The following WDPCP variants were observed in gnomAD, a reference collection of about 807,000 sequenced individuals.
WDPCP encodes WD repeat containing planar cell polarity effector.
In WDPCP, 71 loss-of-function variants were observed where a neutral mutation model predicts 93.1. That is an observed-to-expected ratio of 0.76 (90% confidence interval 0.63 to 0.93). The LOEUF (loss-of-function observed/expected upper bound fraction) is 0.93, where lower values mean the gene tolerates loss of function less well. Ranked by LOEUF, WDPCP falls within the 40% of genes least tolerant of loss-of-function variation. The pLI, the probability that WDPCP is intolerant of heterozygous loss-of-function variation, is 0.00. For synonymous variants in WDPCP, 315 were observed against 315.0 expected, an observed-to-expected ratio of 1.00 and a Z score of 0.00; for missense variants, 844 against 887.4, an observed-to-expected ratio of 0.95 and a Z score of 0.62.
intron 2 of WDPCP, among the ~76,000 whole-genome samples, chr2:63,763,380 G>T (rs1315328336): frequency 1.3e-5 from 2 of 151,808 alleles, no homozygotes; most frequent in Non-Finnish European, 2.9e-5. Context: ...TGGCACACCT[G>T]TAATTCCAGC....
chr2:63,201,886 G>A (rs1221567467), intron 14 of WDPCP, among the ~76,000 whole-genome samples: 1 of 151,856 alleles, frequency 6.6e-6, no homozygotes, highest in Non-Finnish European at 1.5e-5. Context: ...GTATATTTGT[G>A]CCTTTTCCCT....
chr2:63,536,294 C>T (rs987674777), intron 1 of WDPCP, among the ~76,000 whole-genome samples: 1 of 152,206 alleles, frequency 6.6e-6, no homozygotes, highest in African/African-American at 2.4e-5. Context: ...CTGTGGAAGA[C>T]AGTGTGGCGA....
intron 12 of WDPCP, among the ~76,000 whole-genome samples, chr2:63,338,593 T>C: frequency 7.6e-6 from 1 of 132,364 alleles, no homozygotes; most frequent in Non-Finnish European, 1.6e-5. Context: ...TATATATATA[T>C]ATATATATAT....
chr2:63,201,740 G>C (rs1675929380), intron 14 of WDPCP, among the ~76,000 whole-genome samples: 1 of 152,090 alleles, frequency 6.6e-6, no homozygotes, highest in South Asian at 2.1e-4. Flanking sequence ...CTTAATGTTA[G>C]TCTGGTAAAC....
intron 2 of WDPCP, among the ~76,000 whole-genome samples, chr2:63,769,024 T>C (rs528193221): frequency 5.9e-5 from 9 of 151,988 alleles, no homozygotes; most frequent in East Asian, 1.9e-4. Context: ...ATCAGAAGAG[T>C]TCTTGGAAGA....
intron 2 of WDPCP, among the ~76,000 whole-genome samples, chr2:63,731,636 T>A (rs185446855): frequency 0.012 from 1,883 of 152,318 alleles, 16 homozygotes; most frequent in Non-Finnish European, 0.015. Context: ...ATAAATATTT[T>A]AAAAATCGTA....
intron 12 of WDPCP, among the ~76,000 whole-genome samples, chr2:63,326,844 G>A (rs1240875352): frequency 3.3e-5 from 5 of 152,114 alleles, no homozygotes; most frequent in Non-Finnish European, 1.5e-5. Flanking sequence ...AAAAAACAGT[G>A]TACCCTATTC....
chr2:63,246,665 A>T (rs1435501597), intron 14 of WDPCP, among the ~76,000 whole-genome samples: 1 of 152,184 alleles, frequency 6.6e-6, no homozygotes, highest in Non-Finnish European at 1.5e-5. Context: ...GACTGGCACA[A>T]TCTCTGGCCT....
intron 2 of WDPCP, among the ~76,000 whole-genome samples, chr2:63,802,802 G>C (rs1260088415): frequency 6.6e-6 from 1 of 152,142 alleles, no homozygotes; most frequent in Admixed American, 6.5e-5. Flanking sequence ...CAAGAGTTCT[G>C]AAGAATTCTA....
chr2:63,429,976 T>TACACACACACAC (rs199517613), intron 9 of WDPCP, among the ~76,000 whole-genome samples: 32 of 137,452 alleles, frequency 2.3e-4, no homozygotes, highest in Non-Finnish European at 3.3e-4. Flanking sequence ...GAAAATGTTA[T>TACACACACACAC]ACACACACAC....
chr2:63,712,740 T>C (rs2103757022), intron 2 of WDPCP, among the ~76,000 whole-genome samples: 1 of 152,346 alleles, frequency 6.6e-6, no homozygotes, highest in East Asian at 1.9e-4. Context: ...TTTTTCTGTG[T>C]GAAGACAGTG....
Position 63,645,429 on chromosome 2 carries a change from T to G in WDPCP, n.488+5230A>C, listed in dbSNP as rs1236820235. 2.6e-5 allele frequency among the ~76,000 whole-genome samples: 4 copies of G among 152,336 alleles called. No individual in the cohort carries two copies. The East Asian group carries it at 7.7e-4, about 29-fold the overall frequency. On this transcript the variant is annotated intron_variant and non_coding_transcript_variant, in intron 3 of 4. Coordinates refer to the WDPCP transcript ENST00000467687. ...GCTTGTTTTATGATCTAACATATGG[T>G]TTACCCTTGAGAATGATCCAAGTGC...
chr2:63,641,146 G>T (rs1709976132), intron 3 of WDPCP, among the ~76,000 whole-genome samples: 1 of 152,100 alleles, frequency 6.6e-6, no homozygotes, highest in Admixed American at 6.5e-5. Context: ...CAAATGACAG[G>T]ATTTCATTCT....
intron 1 of WDPCP, among the ~76,000 whole-genome samples, chr2:63,544,119 T>A (rs565232204): frequency 1.3e-5 from 2 of 152,132 alleles, no homozygotes; most frequent in Non-Finnish European, 2.9e-5. Context: ...AATTCTTATT[T>A]CCAAAGAGTT....
chr2:63,437,972 C>A lies in WDPCP; in HGVS notation c.500-418G>T. 4 of 1,452,032 alleles carry A rather than the reference C, an allele frequency of 2.8e-6. No homozygotes were observed. In the South Asian group the frequency reaches 4.7e-5, roughly 17 times the overall value. The allele number at this position is 1,452,032 out of a possible 1,614,324, so 89.9% of individuals were successfully genotyped here. A position where few individuals can be genotyped will look rare whatever the true frequency, so the allele number is the denominator to read the frequency against. The stretch of plus-strand genomic sequence containing the variant: ...AGTGGATTTATTAGGGGATACTGAT[C>A]AGTGTTCTCTACCAGTCTATTTATT... On this transcript the variant is annotated intron_variant, in intron 7 of 17. Coordinates refer to ENST00000272321, the MANE Select transcript of WDPCP (RefSeq NM_015910.7).
At chr2:63,170,229 C>T (rs1390300274) in intron 15 of WDPCP, among the ~76,000 whole-genome samples, 9 of 151,400 alleles carry the variant, frequency 5.9e-5, no homozygotes, top group African/African-American at 1.2e-4. Context: ...CCTCCCTCCT[C>T]CTCTCCTGTC....
chr2:63,829,790 ATT>A (rs200610990), upstream of WDPCP, among the ~76,000 whole-genome samples: 38 of 152,034 alleles, frequency 2.5e-4, no homozygotes, highest in East Asian at 7.1e-3. Flanking sequence ...TTTGTCTTAA[ATT>A]TTGTCTTTTA....
At chr2:63,179,200 G>A (rs560318857) in intron 14 of WDPCP, among the ~76,000 whole-genome samples, 6 of 127,918 alleles carry the variant, frequency 4.7e-5, no homozygotes, top group African/African-American at 1.1e-4. Flanking sequence ...ACCCTGTCTC[G>A]GGGGGAAAAA....
At position 63,381,817 on chromosome 2, in the gene WDPCP, T is replaced by C. The variant is rs1221973106; in HGVS notation, c.1624+89A>G. On this transcript the variant is annotated intron_variant, in intron 11 of 17. Transcript: ENST00000272321. ...TTTTATCATTTAATCTCCAATACCA[T>C]GACTCAAAAACAACCTCAAAAAATA... is the stretch of plus-strand genomic sequence containing the variant. 4 of 1,367,690 alleles carry C rather than the reference T, an allele frequency of 2.9e-6. No homozygotes were observed. In the East Asian group the frequency reaches 7.2e-5, roughly 25 times the overall value. 84.7% of individuals were successfully genotyped at this position (1,367,690 alleles called of 1,614,324 possible).
Sources: allele counts gnomAD v4.1 joint callset (sites outside exome capture counted in the v4.1 genomes callset), GRCh38; gene constraint gnomAD v4.1.1; transcripts MANE v1.5; gene names NCBI Gene and HGNC (gene_info 2026-07-23, HGNC 2026-07-21).